Variants in GRIP1 observed in about 807,000 individuals in gnomAD.
GRIP1 encodes glutamate receptor-interacting protein 1.
In GRIP1, 45 loss-of-function variants were observed where a neutral mutation model predicts 129.9. The ratio of observed to expected loss-of-function variants is 0.35; its 90% CI spans 0.27 to 0.44. The LOEUF (loss-of-function observed/expected upper bound fraction) is 0.44. GRIP1 is among the 20% of genes least tolerant of loss of function. The pLI is 1.00. For missense variants in GRIP1, 1,196 were observed against 1,396.8 expected (o/e 0.86, Z 2.29); for synonymous variants, 530 against 520.8 (o/e 1.02, Z -0.24).
chr12:66,436,304 C>T (rs1425973677), intron 13 of GRIP1, among the ~76,000 whole-genome samples: 1 of 152,086 alleles, frequency 6.6e-6, no homozygotes, highest in Non-Finnish European at 1.5e-5. Context: ...TTAACTCCCA[C>T]CAATGCAGAG....
chr12:66,862,621 A>G (rs1381757238), intron 1 of GRIP1, among the ~76,000 whole-genome samples: 1 of 152,078 alleles, frequency 6.6e-6, no homozygotes, highest in African/African-American at 2.4e-5. Context: ...GGTGAGGGAC[A>G]CAGATTTCTC....
chr12:66,877,885 G>A (rs1481865149), intron 1 of GRIP1, among the ~76,000 whole-genome samples: 2 of 152,056 alleles, frequency 1.3e-5, no homozygotes, highest in African/African-American at 4.8e-5. Context: ...AATGAAAGAA[G>A]TGATGCGGAA....
intron 1 of GRIP1, among the ~76,000 whole-genome samples, chr12:66,786,957 G>C (rs2038366795): frequency 6.6e-6 from 1 of 152,148 alleles, no homozygotes; most frequent in Non-Finnish European, 1.5e-5. Flanking sequence ...TTTGATACCT[G>C]AAAGTGGGGG....
At chr12:66,533,852 C>G (rs1313131129) in intron 4 of GRIP1, among the ~76,000 whole-genome samples, 1 of 133,506 alleles carries the variant, frequency 7.5e-6, no homozygotes, top group African/African-American at 3.1e-5. Context: ...CACACACACA[C>G]ACACACACAC....
At chr12:66,905,885 G>A (rs2040923370) in intron 1 of GRIP1, among the ~76,000 whole-genome samples, 1 of 151,950 alleles carries the variant, frequency 6.6e-6, no homozygotes, top group Admixed American at 6.6e-5. Flanking sequence ...AATGTAATAG[G>A]ATAAATATAT....
At chr12:67,066,888 T>TTATTTATATATATATATATATA (rs1555170035) in intron 1 of GRIP1, among the ~76,000 whole-genome samples, 1 of 125,662 alleles carries the variant, frequency 8.0e-6, no homozygotes, top group African/African-American at 2.9e-5. Flanking sequence ...AAATATATAT[T>TTATTTATATATATATATATATA]TATATATATA....
At chr12:66,710,503 G>C (rs900252442) in intron 1 of GRIP1, among the ~76,000 whole-genome samples, 1 of 151,792 alleles carries the variant, frequency 6.6e-6, no homozygotes, top group African/African-American at 2.4e-5. Context: ...TTTGAATCTG[G>C]TATTTACCAA....
At position 66,710,896 on chromosome 12, in the gene GRIP1, G is replaced by C. The variant is rs567106719; in HGVS notation, c.-419-80560C>G. ...ATAGAGGAATCTTCCACAGGCTTCT[G>C]CCTTTCTGGATCACTTCACATAGTA... On this transcript the variant is annotated intron_variant, in intron 1 of 4. Transcript: ENST00000538373. 2.0e-5 allele frequency among the ~76,000 whole-genome samples: 3 copies of C among 151,910 alleles called. No individual in the cohort carries two copies. In the East Asian group the frequency reaches 5.8e-4, roughly 29 times the overall value.
intron 2 of GRIP1, among the ~76,000 whole-genome samples, chr12:66,549,578 T>C (rs547411184): frequency 6.6e-6 from 1 of 152,224 alleles, no homozygotes; most frequent in Non-Finnish European, 1.5e-5. Flanking sequence ...TATCCCCTGG[T>C]TCAGCAAAGC....
intron 1 of GRIP1, among the ~76,000 whole-genome samples, chr12:66,791,578 G>A (rs1566024220): frequency 6.6e-6 from 1 of 152,114 alleles, no homozygotes; most frequent in African/African-American, 2.4e-5. Flanking sequence ...ATGAAGTCTC[G>A]AGGAGAAACA....
intron 7 of GRIP1, among the ~76,000 whole-genome samples, chr12:66,497,753 GGA>G (rs1400361177): frequency 6.6e-6 from 1 of 152,158 alleles, no homozygotes; most frequent in Non-Finnish European, 1.5e-5. Context: ...CAGGCTGACT[GGA>G]GAGAGTCAGG....
chr12:66,930,054 TC>T (rs1455935050), intron 1 of GRIP1, among the ~76,000 whole-genome samples: 1 of 114,784 alleles, frequency 8.7e-6, no homozygotes, highest in Non-Finnish European at 1.9e-5. Flanking sequence ...TCTCTCTCTC[TC>T]TTTTTTTTTT....
chr12:66,383,493 T>G (rs2137422770), intron 19 of GRIP1, among the ~76,000 whole-genome samples: 1 of 152,298 alleles, frequency 6.6e-6, no homozygotes, highest in Non-Finnish European at 1.5e-5. Flanking sequence ...GTGTACTTAT[T>G]CCTCCCCATA....
chr12:66,766,109 A>T (rs1405548738), intron 1 of GRIP1, among the ~76,000 whole-genome samples: 1 of 152,190 alleles, frequency 6.6e-6, no homozygotes, highest in Non-Finnish European at 1.5e-5. Flanking sequence ...CATAAAGCTC[A>T]TCCACACTGT....
Position 66,785,353 on chromosome 12 carries a change from T to C in GRIP1, c.-420+18700A>G, listed in dbSNP as rs1355502409. 5.0e-5 allele frequency among the ~76,000 whole-genome samples: 7 copies of C among 140,934 alleles called. No homozygotes were observed. In the East Asian group the frequency reaches 6.2e-4, roughly 12 times the overall value. The allele number at this position is 140,934 out of a possible 152,430, so 92.5% of individuals were successfully genotyped here. A position where few individuals can be genotyped will look rare whatever the true frequency, so the allele number is the denominator to read the frequency against. ...ATACATACATACATACATATATATA[T>C]ATATATATATTAGTTGGGCATGGTA... is the stretch of plus-strand genomic sequence containing the variant. On this transcript the variant is annotated intron_variant, in intron 1 of 4. Coordinates refer to the GRIP1 transcript ENST00000538373.
intron 1 of GRIP1, among the ~76,000 whole-genome samples, chr12:66,785,766 TCA>T (rs2038321778): frequency 6.6e-6 from 1 of 151,974 alleles, no homozygotes; most frequent in African/African-American, 2.4e-5. Flanking sequence ...TATCAGACAA[TCA>T]CACACTTAAG....
chr12:66,900,137 TAC>T (rs2137266018), intron 1 of GRIP1, among the ~76,000 whole-genome samples: 1 of 152,256 alleles, frequency 6.6e-6, no homozygotes, highest in East Asian at 1.9e-4. Context: ...GTTTTTGTAT[TAC>T]AGTCATGGAA....
chr12:66,675,657 G>A (rs1171412729), intron 1 of GRIP1, among the ~76,000 whole-genome samples: 2 of 152,132 alleles, frequency 1.3e-5, no homozygotes, highest in South Asian at 2.1e-4. Flanking sequence ...TTTGTCAGAT[G>A]TCTCTGGAAA....
At chr12:66,798,010 A>G (rs2038750139) in intron 1 of GRIP1, among the ~76,000 whole-genome samples, 1 of 152,172 alleles carries the variant, frequency 6.6e-6, no homozygotes, top group African/African-American at 2.4e-5. Flanking sequence ...GACAGAACTG[A>G]AGGAGAAACA....
Sources: allele counts gnomAD v4.1 joint callset (sites outside exome capture counted in the v4.1 genomes callset), GRCh38; gene constraint gnomAD v4.1.1; transcripts MANE v1.5; gene names NCBI Gene and HGNC (gene_info 2026-07-23, HGNC 2026-07-21).